FBLN7: variants seen among roughly 807,000 people sequenced by gnomAD.
FBLN7 encodes fibulin 7, also known as fibulin-7.
A neutral mutation model predicts 44.0 loss-of-function variants in FBLN7; 31 were observed. That is an observed-to-expected ratio of 0.70 (90% CI 0.53 to 0.95). The LOEUF (loss-of-function observed/expected upper bound fraction) is 0.95. Among genes scored for constraint, FBLN7 ranks in the 40% least tolerant of loss-of-function variants. The pLI, the probability that FBLN7 is intolerant of heterozygous loss-of-function variation, is 0.00. For synonymous variants in FBLN7, 262 were observed against 253.4 expected, an observed-to-expected ratio of 1.03 and a Z score of -0.32; for missense variants, 573 against 618.5, an observed-to-expected ratio of 0.93 and a Z score of 0.78.
At chr2:112,167,303 G>A (rs1476781654) in intron 3 of FBLN7, among the ~76,000 whole-genome samples, 2 of 152,178 alleles carry the variant, frequency 1.3e-5, no homozygotes, top group East Asian at 1.9e-4. Context: ...GAACATAGTC[G>A]TGAGAAGTGA....
At chr2:112,172,793 C>T (rs984488198) in intron 3 of FBLN7, among the ~76,000 whole-genome samples, 11 of 151,894 alleles carry the variant, frequency 7.2e-5, no homozygotes, top group South Asian at 2.1e-4. Flanking sequence ...CCACCATGCC[C>T]GGCTAATTTT....
At chr2:112,159,971 C>CT (rs1681649322) in intron 2 of FBLN7, 136 bp downstream of exon 2, 1 of 593,930 alleles carries the variant, frequency 1.7e-6, no homozygotes, top group Non-Finnish European at 2.5e-6. Context: ...GTGGCCCCCC[C>CT]TTTTTTATTT....
chr2:112,160,092 G>T (rs7587227), intron 2 of FBLN7, among the ~76,000 whole-genome samples: 18 of 152,100 alleles, frequency 1.2e-4, no homozygotes, highest in African/African-American at 3.9e-4. Flanking sequence ...CCGGGTTCAC[G>T]CCATTCTCCT....
chr2:112,212,496 A>AT, the FBLN7 span: 1 of 152,218 alleles, frequency 6.6e-6, no homozygotes, highest in Non-Finnish European at 1.5e-5. Flanking sequence ...GTTCACATTT[A>AT]TTAGTTTCCC....
intron 1 of FBLN7, among the ~76,000 whole-genome samples, chr2:112,146,283 C>T (rs1182716165): frequency 4.6e-5 from 7 of 152,192 alleles, no homozygotes; most frequent in Admixed American, 2.0e-4. Context: ...GCTGAGATCA[C>T]ACCATGGCAC....
intron 1 of FBLN7, among the ~76,000 whole-genome samples, chr2:112,142,725 T>C (rs1211819973): frequency 6.6e-6 from 1 of 151,950 alleles, no homozygotes; most frequent in African/African-American, 2.4e-5. Context: ...CTTTGCGTTT[T>C]AGGAGACAGC....
At chr2:112,233,717 A>G in the FBLN7 span, among the ~76,000 whole-genome samples, 1 of 152,096 alleles carries the variant, frequency 6.6e-6, no homozygotes, top group Non-Finnish European at 1.5e-5. Flanking sequence ...AATACAAAAA[A>G]AATTAGCTGG....
chr2:112,175,636 C>G, intron 3 of FBLN7, 78 bp from the exon 4 acceptor site: 1 of 1,549,404 alleles, frequency 6.5e-7, no homozygotes, highest in Non-Finnish European at 8.8e-7. Flanking sequence ...GGAAGTTAAC[C>G]CTTCATCAGT....
Position 112,187,617 on chromosome 2 carries a change from C to T in FBLN7, c.*111C>T, listed in dbSNP as rs572026755. The T allele has an allele frequency of 1.1e-5, 16 of 1,433,554 alleles. No homozygotes were observed. The African/African-American group carries it at 1.8e-4, about 16-fold the overall frequency. 88.8% of individuals were successfully genotyped at this position (1,433,554 alleles called of 1,614,324 possible). ...CTCCCGCCTGTTCCCGCCCTCTCAC[C>T]AGTGCACCCAGGCTTCTAGGGCAGC... On this transcript the variant is annotated 3_prime_UTR_variant, in exon 8 of 8. Transcript: ENST00000331203. This position sits in a 1 kb window ranked among gnomAD's most constrained non-coding sequence, Gnocchi z 5.1.
intron 1 of FBLN7, among the ~76,000 whole-genome samples, chr2:112,146,007 T>G (rs1339819983): frequency 6.6e-6 from 1 of 152,178 alleles, no homozygotes; most frequent in East Asian, 1.9e-4. Context: ...CATTTCAGAA[T>G]CAGTTGTCTA....
At chr2:112,201,432 G>C in the FBLN7 span, among the ~76,000 whole-genome samples, 1 of 152,014 alleles carries the variant, frequency 6.6e-6, no homozygotes, top group Admixed American at 6.6e-5. Context: ...TTTGTTCCAG[G>C]GTACCCTGTT....
chr2:112,238,561 C>T, the FBLN7 span: 2 of 1,546,046 alleles, frequency 1.3e-6, no homozygotes, highest in South Asian at 2.4e-5. Context: ...ATTTTAAAAA[C>T]CTAGCATGAT....
chr2:112,204,524 CTG>C, the FBLN7 span, among the ~76,000 whole-genome samples: 1 of 152,078 alleles, frequency 6.6e-6, no homozygotes, highest in South Asian at 2.1e-4. Context: ...CATGGTCAAA[CTG>C]TTGAAAGTCA....
At chr2:112,195,209 C>T in the FBLN7 span, among the ~76,000 whole-genome samples, 18 of 152,194 alleles carry the variant, frequency 1.2e-4, no homozygotes, top group African/African-American at 3.4e-4. Flanking sequence ...ATGGGATTTT[C>T]TGAATCTGAC....
chr2:112,154,643 C>G (rs1323709450), intron 1 of FBLN7, among the ~76,000 whole-genome samples: 1 of 152,208 alleles, frequency 6.6e-6, no homozygotes, highest in African/African-American at 2.4e-5. Context: ...GTGGACAGCC[C>G]TTGAGGGTCC....
chr2:112,180,945 A>C (rs1400935467), intron 4 of FBLN7, among the ~76,000 whole-genome samples: 5 of 135,110 alleles, frequency 3.7e-5, no homozygotes, highest in South Asian at 2.4e-4. Flanking sequence ...AAAAAAAAAA[A>C]CGAAAGAAAA....
chr2:112,151,429 C>T (rs896912380), intron 1 of FBLN7: 1 of 152,154 alleles, frequency 6.6e-6, no homozygotes, highest in Non-Finnish European at 1.5e-5. Flanking sequence ...TGTCACATCT[C>T]CCCTCCCTGC....
At chr2:112,175,394 C>A (rs1408678254) in intron 3 of FBLN7, among the ~76,000 whole-genome samples, 2 of 152,256 alleles carry the variant, frequency 1.3e-5, no homozygotes, top group Admixed American at 6.5e-5. Context: ...TACACTGCAC[C>A]TTTGCAAATT....
chr2:112,170,989 G>A (rs1048190662), intron 3 of FBLN7, among the ~76,000 whole-genome samples: 1 of 152,202 alleles, frequency 6.6e-6, no homozygotes, highest in African/African-American at 2.4e-5. Flanking sequence ...ATGGTGTGCC[G>A]GGTGTCATTT....
Sources: allele counts gnomAD v4.1 joint callset (sites outside exome capture counted in the v4.1 genomes callset), GRCh38; gene constraint gnomAD v4.1.1; non-coding constraint Gnocchi (gnomAD v3.1); transcripts MANE v1.5; gene names NCBI Gene and HGNC (gene_info 2026-07-23, HGNC 2026-07-21).